PRELID2: variants seen among roughly 807,000 people sequenced by gnomAD.
The protein encoded by PRELID2 is PRELI domain containing 2, also known as PRELI domain-containing protein 2.
A neutral mutation model predicts 28.4 loss-of-function variants in PRELID2; 25 were observed. The ratio of observed to expected loss-of-function variants is 0.88; its 90% confidence interval spans 0.64 to 1.23. The LOEUF (loss-of-function observed/expected upper bound fraction) is 1.23. Ranked by LOEUF, PRELID2 falls within the 50% of genes most tolerant of loss-of-function variation. The probability of loss-of-function intolerance (pLI) is 0.00; values close to 1 mark genes in which losing one functional copy is unlikely to be tolerated. For synonymous variants in PRELID2, 76 were observed against 71.6 expected (o/e 1.06, Z -0.31); for missense variants, 201 against 214.4 (o/e 0.94, Z 0.39).
chr5:145,743,798 T>C (rs1414766136), intron 1 of PRELID2, among the ~76,000 whole-genome samples: 2 of 152,186 alleles, frequency 1.3e-5, no homozygotes, highest in Non-Finnish European at 2.9e-5. Flanking sequence ...TACTTAAGCC[T>C]ACCCAGCTCC....
At chr5:145,244,195 T>C in the PRELID2 span, among the ~76,000 whole-genome samples, 1 of 152,184 alleles carries the variant, frequency 6.6e-6, no homozygotes, top group South Asian at 2.1e-4. Flanking sequence ...CTTCAAGTGA[T>C]CCACCCACCT....
the PRELID2 span, among the ~76,000 whole-genome samples, chr5:145,443,957 G>C: frequency 3.3e-5 from 5 of 152,010 alleles, no homozygotes; most frequent in African/African-American, 1.2e-4. Context: ...ACTGTATTCA[G>C]GTAGCACATT....
At chr5:145,604,648 C>T (rs1017327605) in intron 1 of PRELID2, among the ~76,000 whole-genome samples, 2 of 151,410 alleles carry the variant, frequency 1.3e-5, no homozygotes, top group Non-Finnish European at 2.9e-5. Flanking sequence ...TGAGAAATCA[C>T]CACACTACTT....
chr5:145,744,011 G>C (rs1756916652), intron 1 of PRELID2, among the ~76,000 whole-genome samples: 1 of 152,206 alleles, frequency 6.6e-6, no homozygotes, highest in Admixed American at 6.5e-5. Flanking sequence ...TGGACAGCTT[G>C]GTCCCAAGAT....
rs1400231116 is a variant in PRELID2 at position 145,558,850 on chromosome 5, CA to C, written n.71-85536del. Reference sequence around the variant, plus strand: ...GGCACATTTTTGGAGGGCAATTTGGCAAAATCTATGAAAAAAATGTGATGCA... The same window carrying C: ...GGCACATTTTTGGAGGGCAATTTGGCAAATCTATGAAAAAAATGTGATGCA... On this transcript the variant is annotated intron_variant and non_coding_transcript_variant, in intron 1 of 2. Coordinates refer to the PRELID2 transcript ENST00000510259. Among the ~76,000 whole-genome samples the C allele has an allele frequency of 1.7e-4, 26 of 152,164 alleles. 1 individual carries two copies. In the East Asian group the frequency reaches 5.0e-3, roughly 29 times the overall value.
In PRELID2 at chr5:145,596,672, T is replaced by C. The variant is rs141627369; in HGVS notation, n.71-123357A>G. On this transcript the variant is annotated intron_variant and non_coding_transcript_variant, in intron 1 of 2. Coordinates refer to the PRELID2 transcript ENST00000510259. ...AACAAACACTGTGATTTATTCTCAGTGGGGACCCCTGCGCAATCAGAACCT... is the reference window on the plus strand; with the variant it reads ...AACAAACACTGTGATTTATTCTCAGCGGGGACCCCTGCGCAATCAGAACCT... Among the ~76,000 whole-genome samples, 439 of 152,262 alleles carry C rather than the reference T, an allele frequency of 2.9e-3. 1 individual carries two copies. The highest frequency in any genetic ancestry group is 0.01 in the African/African-American group (417 of 41,560).
the PRELID2 span, among the ~76,000 whole-genome samples, chr5:145,349,362 T>C: frequency 1.3e-5 from 2 of 152,192 alleles, no homozygotes; most frequent in African/African-American, 4.8e-5. Flanking sequence ...GCTGCAAGAA[T>C]TGTGTCTTTT....
At chr5:145,767,298 TC>T (rs1400657398) in intron 5 of PRELID2, among the ~76,000 whole-genome samples, 1 of 151,896 alleles carries the variant, frequency 6.6e-6, no homozygotes, top group African/African-American at 2.4e-5. Context: ...ACAGCCAAAC[TC>T]CAGGGGACAA....
chr5:145,761,398 C>A (rs1486738875), intron 6 of PRELID2, among the ~76,000 whole-genome samples: 2 of 152,186 alleles, frequency 1.3e-5, no homozygotes, highest in African/African-American at 4.8e-5. Flanking sequence ...CTGTTATTAT[C>A]ATTTTAATAC....
chr5:145,733,693 A>T (rs1045579770), intron 1 of PRELID2, among the ~76,000 whole-genome samples: 6 of 152,152 alleles, frequency 3.9e-5, no homozygotes, highest in Non-Finnish European at 8.8e-5. Flanking sequence ...ATTTAACTTA[A>T]TGAGTCTTTC....
the PRELID2 span, among the ~76,000 whole-genome samples, chr5:145,311,043 T>C: frequency 1.3e-5 from 2 of 152,214 alleles, no homozygotes; most frequent in African/African-American, 4.8e-5. Flanking sequence ...ACAATTCTGA[T>C]GTATAAGTAA....
intron 1 of PRELID2, among the ~76,000 whole-genome samples, chr5:145,742,531 CA>C (rs70998035): frequency 0.85 from 90,912 of 107,516 alleles, 37,970 homozygotes; most frequent in East Asian, 0.97. Flanking sequence ...CAAGGGATAC[CA>C]AAAAAAAAAA....
intron 1 of PRELID2, among the ~76,000 whole-genome samples, chr5:145,496,219 T>C (rs1008715801): frequency 6.6e-6 from 1 of 152,158 alleles, no homozygotes; most frequent in African/African-American, 2.4e-5. Flanking sequence ...CAAATTTGAC[T>C]CGTGTTCTGG....
At chr5:145,571,286 G>A (rs1047887988) in intron 1 of PRELID2, among the ~76,000 whole-genome samples, 5 of 152,126 alleles carry the variant, frequency 3.3e-5, no homozygotes, top group African/African-American at 1.2e-4. Flanking sequence ...TTGGCCAAGG[G>A]CATTCCAAAG....
the PRELID2 span, among the ~76,000 whole-genome samples, chr5:145,287,619 G>C: frequency 6.6e-6 from 1 of 152,134 alleles, no homozygotes; most frequent in Non-Finnish European, 1.5e-5. Flanking sequence ...AACTGATGTA[G>C]ATTTAGATTT....
At chr5:145,786,078 G>A (rs957279383) in intron 5 of PRELID2, among the ~76,000 whole-genome samples, 1 of 152,174 alleles carries the variant, frequency 6.6e-6, no homozygotes, top group Non-Finnish European at 1.5e-5. Flanking sequence ...CACAATATAT[G>A]TGTCACAGAA....
the PRELID2 span, among the ~76,000 whole-genome samples, chr5:145,263,240 G>A: frequency 3.3e-5 from 5 of 151,948 alleles, no homozygotes; most frequent in Non-Finnish European, 7.4e-5. Context: ...ATAATAGTGG[G>A]GGACTTAAAC....
intron 5 of PRELID2, among the ~76,000 whole-genome samples, chr5:145,784,923 TTTAA>T (rs1345929465): frequency 9.9e-5 from 15 of 152,072 alleles, no homozygotes; most frequent in South Asian, 2.1e-4. Flanking sequence ...TTACTTGCAC[TTTAA>T]TTAAAAATTG....
At chr5:145,365,544 T>G in the PRELID2 span, among the ~76,000 whole-genome samples, 1 of 151,944 alleles carries the variant, frequency 6.6e-6, no homozygotes, top group African/African-American at 2.4e-5. Flanking sequence ...TAACCTAATT[T>G]TGGCGTATGT....
Sources: gnomAD v4.1 joint callset for allele counts (sites outside exome capture counted in the v4.1 genomes callset) on GRCh38, gnomAD v4.1.1 for gene constraint, MANE v1.5 for transcripts, NCBI Gene and HGNC (gene_info 2026-07-23, HGNC 2026-07-21) for gene names.